ARFIP1: variants seen among roughly 807,000 people sequenced by gnomAD.
ARFIP1 encodes the protein arfaptin-1.
ARFIP1 carries 24 observed loss-of-function variants against 42.5 expected under a neutral mutation model. The observed-to-expected ratio is 0.57, with a 90% CI of 0.41 to 0.80. ARFIP1 has a LOEUF of 0.80. Among genes scored for constraint, ARFIP1 ranks in the 30% least tolerant of loss-of-function variants. ARFIP1 has a pLI of 0.00. For missense variants in ARFIP1, 354 were observed against 434.0 expected (o/e 0.82, Z 1.64); for synonymous variants, 141 against 153.7 (o/e 0.92, Z 0.61).
chr4:152,905,500 T>C (rs1012651268), intron 8 of ARFIP1, among the ~76,000 whole-genome samples: 1 of 151,526 alleles, frequency 6.6e-6, no homozygotes, highest in Non-Finnish European at 1.5e-5. Flanking sequence ...TTCAAATTTT[T>C]TACCTGCTTT....
chr4:152,829,800 C>T (rs1419822988), intron 2 of ARFIP1, 74 bp downstream of exon 2: 11 of 1,177,446 alleles, frequency 9.3e-6, no homozygotes, highest in Non-Finnish European at 1.2e-5. Flanking sequence ...AAGTAATAGA[C>T]AAAATTTAAT....
intron 2 of ARFIP1, among the ~76,000 whole-genome samples, chr4:152,856,037 T>C (rs1018568968): frequency 2.6e-5 from 4 of 152,200 alleles, no homozygotes; most frequent in Non-Finnish European, 5.9e-5. Flanking sequence ...GAGTGCGAAA[T>C]GCCTCTAATC....
At chr4:152,822,634 C>G (rs1442293758) in intron 1 of ARFIP1, among the ~76,000 whole-genome samples, 8 of 152,196 alleles carry the variant, frequency 5.3e-5, no homozygotes, top group African/African-American at 1.9e-4. Flanking sequence ...GCACACACAA[C>G]ATTCTCCAAG....
chr4:152,826,925 A>T (rs1730884170), intron 1 of ARFIP1, among the ~76,000 whole-genome samples: 1 of 152,240 alleles, frequency 6.6e-6, no homozygotes, highest in African/African-American at 2.4e-5. Flanking sequence ...GAAATAGCCA[A>T]TCACGAAAAG....
intron 1 of ARFIP1, among the ~76,000 whole-genome samples, chr4:152,806,204 A>G (rs1728984217): frequency 6.6e-6 from 1 of 152,266 alleles, no homozygotes; most frequent in African/African-American, 2.4e-5. Flanking sequence ...ACTCTGGATC[A>G]AACACAGGGA....
intron 2 of ARFIP1, among the ~76,000 whole-genome samples, chr4:152,857,063 G>A (rs1423803044): frequency 6.6e-6 from 1 of 152,144 alleles, no homozygotes; most frequent in African/African-American, 2.4e-5. Flanking sequence ...TTGGAGACTC[G>A]GTTTAAAAAT....
At position 152,803,136 on chromosome 4, in the gene ARFIP1, G is replaced by A. The variant is rs115416240; in HGVS notation, c.-10+22910G>A. ...GGAGGGGGAGACTATGGTATGAGAA[G>A]CAGCTAGAGAAGTAGGTAGAGGTCA... is the stretch of plus-strand genomic sequence containing the variant. On this transcript the variant is annotated intron_variant, in intron 1 of 8. Coordinates refer to ENST00000353617, the MANE Select transcript of ARFIP1 (RefSeq NM_001025595.3). Among the ~76,000 whole-genome samples, 1,369 of 152,256 alleles carry A rather than the reference G, an allele frequency of 9.0e-3. 27 individuals are homozygous for A. The highest frequency in any genetic ancestry group is 0.032 in the African/African-American group (1,327 of 41,538).
chr4:152,904,010 C>A (rs937865248), intron 8 of ARFIP1, among the ~76,000 whole-genome samples: 17 of 151,812 alleles, frequency 1.1e-4, no homozygotes, highest in Non-Finnish European at 2.1e-4. Flanking sequence ...TTTATTCTCT[C>A]CTCTAATTCT....
intron 1 of ARFIP1, among the ~76,000 whole-genome samples, chr4:152,823,411 A>T (rs1730548400): frequency 6.6e-6 from 1 of 152,192 alleles, no homozygotes; most frequent in Non-Finnish European, 1.5e-5. Context: ...TTTAAAAAAA[A>T]TAAATAAAAC....
chr4:152,898,141 C>A (rs1190263035), intron 8 of ARFIP1, among the ~76,000 whole-genome samples: 2 of 152,008 alleles, frequency 1.3e-5, no homozygotes, highest in East Asian at 3.9e-4. Flanking sequence ...CACCACAACG[C>A]CCAGCTAAGT....
At chr4:152,875,464 T>G (rs2149887155) in intron 5 of ARFIP1, among the ~76,000 whole-genome samples, 1 of 151,710 alleles carries the variant, frequency 6.6e-6, no homozygotes, top group Admixed American at 6.6e-5. Context: ...TTTTTCTTAA[T>G]GTTTAAGAAT....
intron 3 of ARFIP1, among the ~76,000 whole-genome samples, chr4:152,867,911 A>G (rs1040334517): frequency 1.3e-5 from 2 of 152,192 alleles, no homozygotes; most frequent in Non-Finnish European, 2.9e-5. Flanking sequence ...CATTTGTTGG[A>G]AAGTTGTGAT....
chr4:152,909,347 T>C (rs1204904949), intron 8 of ARFIP1, among the ~76,000 whole-genome samples: 1 of 152,210 alleles, frequency 6.6e-6, no homozygotes, highest in South Asian at 2.1e-4. Flanking sequence ...ATTGTGCCAC[T>C]GCATAACAGC....
At chr4:152,874,464 G>T (rs1403902571) in intron 5 of ARFIP1, among the ~76,000 whole-genome samples, 1 of 152,134 alleles carries the variant, frequency 6.6e-6, no homozygotes, top group Non-Finnish European at 1.5e-5. Context: ...GTGTGTCCAG[G>T]CTGACATATT....
rs746727311 is a variant in ARFIP1 at position 152,882,680 on chromosome 4, C to G, written c.634-43C>G. On this transcript the variant is annotated intron_variant, in intron 6 of 8. Coordinates refer to ENST00000353617, the MANE Select transcript of ARFIP1 (RefSeq NM_001025595.3). ...GCTTGAGATTTTTAAGTCACTTTTACTGATTTATTACTGAATAAATTAAGG... is the reference window on the plus strand; with the variant it reads ...GCTTGAGATTTTTAAGTCACTTTTAGTGATTTATTACTGAATAAATTAAGG... 3.8e-6 allele frequency: 6 copies of G among 1,565,110 alleles called. No individual in the cohort carries two copies. In the Admixed American group the frequency reaches 1.1e-4, roughly 29 times the overall value.
At position 152,863,614 on chromosome 4, in the gene ARFIP1, G is replaced by A; in HGVS notation, c.102G>A (p.Lys34=). The A allele has an allele frequency of 6.3e-7, 1 of 1,585,506 alleles. No homozygotes were observed. Among genetic ancestry groups the A allele is most frequent in the Non-Finnish European group, 8.7e-7 (1 of 1,155,680 alleles). ...SREHSFNRDL[K]HSLPSGLGLS... ...ATTTAAATCTTGCTAAGGATTTGAA[G>A]CATTCATTACCATCTGGACTTGGTC... Residue 34 remains lysine, a synonymous_variant, in exon 3 of 9, where the codon AAG becomes AAA. Transcript: ENST00000353617.
At chr4:152,903,067 A>G (rs1737981493) in intron 8 of ARFIP1, among the ~76,000 whole-genome samples, 1 of 152,158 alleles carries the variant, frequency 6.6e-6, no homozygotes, top group Non-Finnish European at 1.5e-5. Flanking sequence ...ATTGGTAATT[A>G]TTTCAATGTA....
At chr4:152,876,024 C>T (rs542634434) in intron 5 of ARFIP1, among the ~76,000 whole-genome samples, 4 of 152,240 alleles carry the variant, frequency 2.6e-5, no homozygotes, top group African/African-American at 9.6e-5. Context: ...GCCTCCCCAG[C>T]CATGTGGAAC....
intron 2 of ARFIP1, among the ~76,000 whole-genome samples, chr4:152,840,640 A>G (rs1731984664): frequency 6.8e-6 from 1 of 146,592 alleles, no homozygotes; most frequent in Non-Finnish European, 1.5e-5. Flanking sequence ...CTGAGTCCTT[A>G]TGTGTTAGGT....
Sources: allele counts gnomAD v4.1 joint callset (sites outside exome capture counted in the v4.1 genomes callset), GRCh38; gene constraint gnomAD v4.1.1; transcripts MANE v1.5; gene names NCBI Gene and HGNC (gene_info 2026-07-23, HGNC 2026-07-21).